SECISBP2L: variants seen among roughly 807,000 people sequenced by gnomAD.
SECISBP2L encodes the protein SECIS binding protein 2 like, also known as selenocysteine insertion sequence-binding protein 2-like.
SECISBP2L carries 43 observed loss-of-function variants against 114.7 expected under a neutral mutation model. The ratio of observed to expected loss-of-function variants is 0.38; its 90% CI spans 0.29 to 0.48. The LOEUF (loss-of-function observed/expected upper bound fraction) is 0.48. SECISBP2L is among the 20% of genes least tolerant of loss of function. The pLI, the probability that SECISBP2L is intolerant of heterozygous loss-of-function variation, is 0.98. For synonymous variants in SECISBP2L, 451 were observed against 439.7 expected, an observed-to-expected ratio of 1.03 and a Z score of -0.32; for missense variants, 1,136 against 1,301.1, an observed-to-expected ratio of 0.87 and a Z score of 1.95.
chr15:49,034,291 A>G (rs1902958856), intron 3 of SECISBP2L, among the ~76,000 whole-genome samples: 1 of 152,192 alleles, frequency 6.6e-6, no homozygotes, highest in Non-Finnish European at 1.5e-5. Flanking sequence ...AAAAGTGCCA[A>G]CTAGAAACAC....
intron 14 of SECISBP2L, among the ~76,000 whole-genome samples, chr15:49,001,457 TTC>T (rs1387671432): frequency 9.0e-6 from 1 of 110,988 alleles, no homozygotes; most frequent in Non-Finnish European, 1.8e-5. Context: ...CCACATCGTA[TTC>T]TTTTTTTTTT....
At chr15:48,999,030 T>C (rs1014239854) in intron 16 of SECISBP2L, among the ~76,000 whole-genome samples, 2 of 152,196 alleles carry the variant, frequency 1.3e-5, no homozygotes, top group Admixed American at 1.3e-4. Flanking sequence ...CAGTGTGCTA[T>C]GCTAAACGTG....
At chr15:49,041,916 T>C (rs539870671) in intron 1 of SECISBP2L, among the ~76,000 whole-genome samples, 1 of 152,284 alleles carries the variant, frequency 6.6e-6, no homozygotes, top group East Asian at 1.9e-4. Flanking sequence ...TTGATTAAAA[T>C]GCCGAAACAA....
Position 48,990,868 on chromosome 15 carries a change from T to C in SECISBP2L, c.*1376A>G, listed in dbSNP as rs1211713955. On this transcript the variant is annotated 3_prime_UTR_variant, in exon 18 of 18. Transcript: ENST00000559471. ...TGTGTGAGGGGGGTGGGGGGGACAG[T>C]TGGGGGTGGTGGGGAGTTGGATGGA... The C allele has an allele frequency of 1.4e-5, 1 of 70,344 alleles. No individual in the cohort carries two copies. Among genetic ancestry groups the C allele is most frequent in the East Asian group, 3.9e-4 (1 of 2,596 alleles). 4.4% of individuals were successfully genotyped at this position (70,344 alleles called of 1,614,324 possible). A position where few individuals can be genotyped will look rare whatever the true frequency, so the allele number is the denominator to read the frequency against.
At chr15:48,993,841 T>G (rs1473881474) in intron 17 of SECISBP2L, among the ~76,000 whole-genome samples, 2 of 152,120 alleles carry the variant, frequency 1.3e-5, no homozygotes, top group African/African-American at 2.4e-5. Context: ...CTCTCACCCC[T>G]GTATTTTTTC....
chr15:49,009,794 C>G (rs1404868011), intron 13 of SECISBP2L, among the ~76,000 whole-genome samples: 1 of 152,008 alleles, frequency 6.6e-6, no homozygotes, highest in Non-Finnish European at 1.5e-5. Flanking sequence ...TACACATTAC[C>G]TAAAACATGT....
chr15:49,046,349 C>T lies in SECISBP2L; in HGVS notation c.-50G>A, dbSNP rs1035438606. The T allele has an allele frequency of 3.4e-6, 5 of 1,459,274 alleles. No individual in the cohort carries two copies. The African/African-American group carries it at 7.4e-5, about 21-fold the overall frequency. 90.4% of individuals were successfully genotyped at this position (1,459,274 alleles called of 1,614,324 possible). A position where few individuals can be genotyped will look rare whatever the true frequency, so the allele number is the denominator to read the frequency against. ...GCGCTAGTCGGTGTAAACAGCGCCTCGGGCCGCTTTCTCCATGGCCCCCCG... is the reference window on the plus strand; with the variant it reads ...GCGCTAGTCGGTGTAAACAGCGCCTTGGGCCGCTTTCTCCATGGCCCCCCG... On this transcript the variant is annotated 5_prime_UTR_variant, in exon 1 of 18. Coordinates refer to ENST00000559471, the MANE Select transcript of SECISBP2L (RefSeq NM_001193489.2).
chr15:49,031,799 C>T (rs1902894213), intron 4 of SECISBP2L, among the ~76,000 whole-genome samples: 1 of 152,076 alleles, frequency 6.6e-6, no homozygotes, highest in Non-Finnish European at 1.5e-5. Flanking sequence ...GAAAGAATGT[C>T]TTTGTGGTTA....
intron 14 of SECISBP2L, among the ~76,000 whole-genome samples, chr15:49,002,321 T>C (rs1245325417): frequency 6.6e-6 from 1 of 152,182 alleles, no homozygotes; most frequent in Non-Finnish European, 1.5e-5. Flanking sequence ...TATAAATTTG[T>C]TTAAGTTCTT....
At position 49,009,269 on chromosome 15, in the gene SECISBP2L, GC is replaced by G; in HGVS notation, c.1973del (p.Gly658AlafsTer9). 6.2e-7 allele frequency: 1 copy of G among 1,614,106 alleles called. No individual in the cohort carries two copies. ...TTATTGTTGAAGATGCCATTGGACT[GC>G]CTATTCCAGAACTAGCAGGAGAGCC... ...SQGSPASSGIGSPMASSTITK... is the reference protein window; with the variant it reads ...SQGSPASSGIXSPMASSTITK... On this transcript the variant is annotated frameshift_variant, in exon 14 of 18. Coordinates refer to ENST00000559471, the MANE Select transcript of SECISBP2L (RefSeq NM_001193489.2). LOFTEE classifies it high-confidence loss of function.
rs142632366 is a variant in SECISBP2L at position 49,013,725 on chromosome 15, T to C, written c.1562-908A>G. ...CTTTCCTGCCACTTCCCTGAGAAGATGCTATCCAATATAAACTTACCAACC... is the reference window on the plus strand; with the variant it reads ...CTTTCCTGCCACTTCCCTGAGAAGACGCTATCCAATATAAACTTACCAACC... On this transcript the variant is annotated intron_variant, in intron 11 of 17. Transcript: ENST00000559471. Among the ~76,000 whole-genome samples, 59 of 152,300 alleles carry C rather than the reference T, an allele frequency of 3.9e-4. 2 individuals carry two copies. In the East Asian group the frequency reaches 7.1e-3, roughly 18 times the overall value.
Position 49,046,428 on chromosome 15 carries a change from C to T in SECISBP2L, c.-129G>A. 1 of 1,038,582 alleles carries T rather than the reference C, an allele frequency of 9.6e-7. No individual in the cohort carries two copies. The highest frequency in any genetic ancestry group is 1.3e-6 in the Non-Finnish European group (1 of 763,228). The allele number at this position is 1,038,582 out of a possible 1,614,324, so 64.3% of individuals were successfully genotyped here. ...CGCCCCTATCTGGCTGGCCGCGACA[C>T]CGATTCGGCTACGCCACTGGCCGAG... On this transcript the variant is annotated 5_prime_UTR_variant, in exon 1 of 18. It adds an upstream start codon to the 5' untranslated region. Coordinates refer to ENST00000559471, the MANE Select transcript of SECISBP2L (RefSeq NM_001193489.2).
intron 7 of SECISBP2L, among the ~76,000 whole-genome samples, chr15:49,024,062 C>T (rs909182165): frequency 6.6e-5 from 10 of 151,818 alleles, no homozygotes; most frequent in Non-Finnish European, 1.5e-4. Context: ...AAAATTAGAC[C>T]TATACCAGAC....
intron 1 of SECISBP2L, among the ~76,000 whole-genome samples, chr15:49,041,508 A>G (rs1169058469): frequency 1.3e-5 from 2 of 152,238 alleles, no homozygotes; most frequent in Non-Finnish European, 2.9e-5. Context: ...TTCCGGAAAG[A>G]GCACTGTGCT....
intron 2 of SECISBP2L, 55 bp downstream of exon 2, chr15:49,037,536 T>C (rs1012707972): frequency 9.6e-5 from 145 of 1,512,400 alleles, no homozygotes; most frequent in East Asian, 2.6e-4. Context: ...TAAGTGCACT[T>C]TGCCAGCTTT....
intron 4 of SECISBP2L, among the ~76,000 whole-genome samples, chr15:49,030,829 T>A (rs1041182035): frequency 6.6e-6 from 1 of 152,190 alleles, no homozygotes; most frequent in Non-Finnish European, 1.5e-5. Context: ...AACTTTTGTA[T>A]TCTGCATTGA....
At chr15:49,036,497 AT>A (rs1394841598) in intron 2 of SECISBP2L, among the ~76,000 whole-genome samples, 12 of 152,262 alleles carry the variant, frequency 7.9e-5, no homozygotes, top group Admixed American at 7.2e-4. Context: ...CACAAAGATT[AT>A]TTGGTAAACC....
rs149532924 is a variant in SECISBP2L, at chr15:49,030,289, G to T, written c.665-1607C>A. ...CAGGACTTGTTACCTGCTACTAGTG[G>T]ACACTATGAAAGCTTCAGTACTTTT... is the stretch of plus-strand genomic sequence containing the variant. On this transcript the variant is annotated intron_variant, in intron 4 of 17. Coordinates refer to ENST00000559471, the MANE Select transcript of SECISBP2L (RefSeq NM_001193489.2). Among the ~76,000 whole-genome samples the T allele has an allele frequency of 1.6e-3, 248 of 152,242 alleles. 1 individual carries two copies. Among genetic ancestry groups the T allele is most frequent in the Middle Eastern group, 6.8e-3 (2 of 294 alleles).
At chr15:49,041,791 T>C (rs1247977744) in intron 1 of SECISBP2L, among the ~76,000 whole-genome samples, 3 of 152,164 alleles carry the variant, frequency 2.0e-5, no homozygotes, top group African/African-American at 4.8e-5. Flanking sequence ...AAGGTAAAAA[T>C]AGAATATCTC....
Sources: gnomAD v4.1 joint callset for allele counts (sites outside exome capture counted in the v4.1 genomes callset) on GRCh38, gnomAD v4.1.1 for gene constraint, MANE v1.5 for transcripts, NCBI Gene and HGNC (gene_info 2026-07-23, HGNC 2026-07-21) for gene names.